Variants in SYNC observed in about 807,000 individuals in gnomAD.
SYNC encodes syncoilin, intermediate filament protein, also known as syncoilin.
SYNC carries 38 observed loss-of-function variants against 49.5 expected under a neutral mutation model. The observed-to-expected ratio is 0.77, with a 90% CI of 0.59 to 1.01. SYNC has a LOEUF of 1.01. Among genes scored for constraint, SYNC ranks in the 50% least tolerant of loss-of-function variants. The probability of loss-of-function intolerance (pLI) is 0.00; values close to 1 mark genes in which losing one functional copy is unlikely to be tolerated. For missense variants in SYNC, 579 were observed against 580.6 expected, an observed-to-expected ratio of 1.00 and a Z score of 0.03; for synonymous variants, 201 against 230.8, an observed-to-expected ratio of 0.87 and a Z score of 1.17.
At chr1:32,686,151 T>C (rs1373341870) in intron 2 of SYNC, 2 of 152,240 alleles carry the variant, frequency 1.3e-5, no homozygotes, top group African/African-American at 2.4e-5. Context: ...GTCAAAAATA[T>C]TTGATACTGA....
At chr1:32,698,841 C>A (rs1301998484) in intron 1 of SYNC, among the ~76,000 whole-genome samples, 1 of 150,058 alleles carries the variant, frequency 6.7e-6, no homozygotes, top group Non-Finnish European at 1.5e-5. Context: ...AGTACTGTGG[C>A]ATGATCATAG....
chr1:32,693,987 A>G (rs1650286846), intron 2 of SYNC, among the ~76,000 whole-genome samples: 1 of 152,162 alleles, frequency 6.6e-6, no homozygotes, highest in Non-Finnish European at 1.5e-5. Context: ...CTATAATCCT[A>G]GCTCTTTGGG....
chr1:32,699,586 C>T (rs570245466), intron 1 of SYNC, among the ~76,000 whole-genome samples: 28 of 152,138 alleles, frequency 1.8e-4, no homozygotes, highest in African/African-American at 6.5e-4. Context: ...AGGACTTCCT[C>T]CTCTCCTCAC....
At chr1:32,692,863 G>A (rs1650230287) in intron 2 of SYNC, among the ~76,000 whole-genome samples, 1 of 151,810 alleles carries the variant, frequency 6.6e-6, no homozygotes, top group Admixed American at 6.6e-5. Flanking sequence ...AAATTAGCTG[G>A]GTGCAGTGGC....
intron 2 of SYNC, chr1:32,685,792 CAG>C (rs1473942979): frequency 6.6e-6 from 1 of 152,232 alleles, no homozygotes; most frequent in Non-Finnish European, 1.5e-5. Context: ...TAAGCTGTGA[CAG>C]AGTGGAACAG....
chr1:32,683,796 C>G, intron 4 of SYNC: 1 of 518,800 alleles, frequency 1.9e-6, no homozygotes. Flanking sequence ...CTATGCCCGG[C>G]TAATTTTTGT....
chr1:32,683,342 A>C (rs1649580007), intron 4 of SYNC: 1 of 152,014 alleles, frequency 6.6e-6, no homozygotes, highest in African/African-American at 2.4e-5. Context: ...CAGCCTTTGA[A>C]TATTATATAA....
chr1:32,702,703 G>GGCCCGCGGGCCCCTCGCTCCGGC lies in SYNC; in HGVS notation c.-66_-44dup. 2 of 1,135,984 alleles carry GGCCCGCGGGCCCCTCGCTCCGGC rather than the reference G, an allele frequency of 1.8e-6. No individual in the cohort carries two copies. Among genetic ancestry groups the GGCCCGCGGGCCCCTCGCTCCGGC allele is most frequent in the Non-Finnish European group, 2.2e-6 (2 of 927,108 alleles). 70.4% of individuals were successfully genotyped at this position (1,135,984 alleles called of 1,614,324 possible). On this transcript the variant is annotated 5_prime_UTR_variant, in exon 1 of 5. Coordinates refer to ENST00000409190, the MANE Select transcript of SYNC (RefSeq NM_030786.3). The surrounding 1 kb of genome is among the most constrained non-coding windows in gnomAD (Gnocchi z 6.2). ...CTGGCGGCCGCGTTATTAATAGCCG[G>GGCCCGCGGGCCCCTCGCTCCGGC]GCCCGCGGGCCCCTCGCTCCGGCGC...
intron 2 of SYNC, among the ~76,000 whole-genome samples, chr1:32,688,680 G>A (rs568797147): frequency 4.0e-5 from 6 of 150,504 alleles, no homozygotes; most frequent in East Asian, 2.0e-4. Context: ...TCCACCTTGC[G>A]GGTTCAGGCA....
chr1:32,700,984 C>T (rs1177690018), intron 1 of SYNC, among the ~76,000 whole-genome samples: 1 of 151,816 alleles, frequency 6.6e-6, no homozygotes, highest in Admixed American at 6.6e-5. Flanking sequence ...GGTGTAATCT[C>T]CGCTCACTGC....
chr1:32,682,225 G>C (rs1473620100), intron 4 of SYNC: 1 of 222,732 alleles, frequency 4.5e-6, no homozygotes, highest in Admixed American at 5.6e-5. Context: ...CAAACATTAA[G>C]CATATTATCA....
At chr1:32,698,402 C>T (rs1183301190) in intron 1 of SYNC, among the ~76,000 whole-genome samples, 7 of 151,408 alleles carry the variant, frequency 4.6e-5, no homozygotes, top group African/African-American at 1.5e-4. Context: ...ACCTGTAGTC[C>T]CAGCTACTCG....
rs151008185 is a variant in SYNC, at chr1:32,686,805, A to G, written c.1234-2423T>C. On this transcript the variant is annotated intron_variant, in intron 2 of 4. Coordinates refer to ENST00000409190, the MANE Select transcript of SYNC (RefSeq NM_030786.3). ...GCCACAGAGCTTAAGTAATTTGTCC[A>G]AAGTTTCCAACTTAGTGATAGAGCC... Among the ~76,000 whole-genome samples, 410 of 152,262 alleles carry G rather than the reference A, an allele frequency of 2.7e-3. 1 individual carries two copies. The highest frequency in any genetic ancestry group is 0.014 in the Middle Eastern group (4 of 294).
intron 2 of SYNC, 36 bp downstream of exon 2, chr1:32,694,829 A>G (rs370292217): frequency 6.6e-7 from 1 of 1,519,640 alleles, no homozygotes; most frequent in Non-Finnish European, 8.8e-7. Flanking sequence ...CCCCAGGTTA[A>G]AAGACCTCAG....
intron 2 of SYNC, chr1:32,684,680 G>A (rs563241369): frequency 1.7e-5 from 5 of 296,078 alleles, no homozygotes; most frequent in Non-Finnish European, 3.2e-5. Context: ...GTGTCATTGA[G>A]GAGGATTTTG....
chr1:32,692,412 T>A (rs957673855), intron 2 of SYNC, among the ~76,000 whole-genome samples: 1 of 152,112 alleles, frequency 6.6e-6, no homozygotes, highest in Non-Finnish European at 1.5e-5. Context: ...GTGAACCAAT[T>A]TTTTAAAAAA....
intron 2 of SYNC, among the ~76,000 whole-genome samples, chr1:32,690,188 T>C (rs1409783655): frequency 6.6e-6 from 1 of 151,956 alleles, no homozygotes; most frequent in Non-Finnish European, 1.5e-5. Context: ...GAAAGATTCA[T>C]TTGATAGAGA....
intron 1 of SYNC, among the ~76,000 whole-genome samples, chr1:32,701,022 T>C (rs2148565536): frequency 6.6e-6 from 1 of 151,990 alleles, no homozygotes; most frequent in African/African-American, 2.4e-5. Context: ...TTCAAGCAAG[T>C]CTCCTGTCTC....
intron 2 of SYNC, chr1:32,685,128 G>A (rs941813879): frequency 1.3e-5 from 2 of 152,426 alleles, no homozygotes; most frequent in East Asian, 3.8e-4. Flanking sequence ...GGGATTACAG[G>A]TGTGAGCCAC....
Sources: allele counts gnomAD v4.1 joint callset (sites outside exome capture counted in the v4.1 genomes callset), GRCh38; gene constraint gnomAD v4.1.1; non-coding constraint Gnocchi (gnomAD v3.1); transcripts MANE v1.5; gene names NCBI Gene and HGNC (gene_info 2026-07-23, HGNC 2026-07-21).